The following IBTK variants were observed in gnomAD, a reference collection of about 807,000 sequenced individuals.
IBTK encodes BTK-binding protein.
A neutral mutation model predicts 154.9 loss-of-function variants in IBTK; 83 were observed. The observed-to-expected ratio is 0.54, with a 90% CI of 0.45 to 0.64. The LOEUF (loss-of-function observed/expected upper bound fraction) is 0.64, where lower values mean the gene tolerates loss of function less well. Among genes scored for constraint, IBTK ranks in the 30% least tolerant of loss-of-function variants. IBTK has a pLI of 0.00. For synonymous variants in IBTK, 515 were observed against 536.1 expected (o/e 0.96, Z 0.54); for missense variants, 1,332 against 1,584.6 (o/e 0.84, Z 2.71).
Position 82,191,166 on chromosome 6 carries a change from A to G in IBTK, c.3482T>C (p.Ile1161Thr). 6.2e-7 allele frequency: 1 copy of G among 1,609,804 alleles called. No homozygotes were observed. Among genetic ancestry groups the G allele is most frequent in the Non-Finnish European group, 8.5e-7 (1 of 1,178,210 alleles). Residue 1161 changes from isoleucine to threonine, a missense_variant, in exon 25 of 29, where the codon ATT becomes ACT. This residue lies in a region of IBTK where 1,134 missense variants were observed against 1,274.7 expected (regional missense o/e 0.89). Transcript: ENST00000306270. The stretch of plus-strand genomic sequence containing the variant: ...ATTGTTTTCCTTGGTAGTCAATGCA[A>G]TCATTTTTCGTTGCTTCTGAGAAAG... ...VKLSQKQRKMIALTTKENNSG... is the reference protein window; with the variant it reads ...VKLSQKQRKMTALTTKENNSG...
rs907729491 is a variant in IBTK, at chr6:82,186,490, GCA to G, written c.3576-4464_3576-4463del. On this transcript the variant is annotated intron_variant, in intron 25 of 28. Transcript: ENST00000306270. Reference sequence around the variant, plus strand: ...TTTTTTTTGTAGATATTATGCTATTGCACACTTAGCAAACTACGTATAGTATA... The same window carrying G: ...TTTTTTTTGTAGATATTATGCTATTGCACTTAGCAAACTACGTATAGTATA... 1.3e-4 allele frequency among the ~76,000 whole-genome samples: 20 copies of G among 151,994 alleles called. 2 individuals carry two copies. The highest frequency in any genetic ancestry group is 1.0e-3 in the Admixed American group (16 of 15,256).
chr6:82,194,144 T>C (rs1768892235), intron 23 of IBTK, among the ~76,000 whole-genome samples: 1 of 152,200 alleles, frequency 6.6e-6, no homozygotes, highest in South Asian at 2.1e-4. Context: ...ATAAAGTCTA[T>C]GATTGACAAA....
intron 25 of IBTK, among the ~76,000 whole-genome samples, chr6:82,190,675 T>A (rs1452397290): frequency 6.6e-6 from 1 of 152,090 alleles, no homozygotes; most frequent in Non-Finnish European, 1.5e-5. Flanking sequence ...GAAATTAGCG[T>A]AGTATAAATA....
At position 82,210,797 on chromosome 6, in the gene IBTK, C is replaced by T. The variant is rs1019694216; in HGVS notation, c.2509+17G>A. The T allele has an allele frequency of 2.5e-6, 3 of 1,195,154 alleles. No individual in the cohort carries two copies. Among genetic ancestry groups the T allele is most frequent in the African/African-American group, 3.1e-5 (2 of 63,554 alleles). The allele number at this position is 1,195,154 out of a possible 1,614,324, so 74.0% of individuals were successfully genotyped here. ...TTATATGTGAAGTATCTACAATGTC[C>T]TAACTCTTATTAATACCTTTTATCA... On this transcript the variant is annotated intron_variant, in intron 16 of 28. Coordinates refer to ENST00000306270, the MANE Select transcript of IBTK (RefSeq NM_015525.4).
chr6:82,189,821 T>C (rs1030432010), intron 25 of IBTK, among the ~76,000 whole-genome samples: 5 of 152,206 alleles, frequency 3.3e-5, no homozygotes, highest in African/African-American at 9.7e-5. Flanking sequence ...GCTTAGTTAA[T>C]TCTCTCAAAC....
rs980745471 is a variant in IBTK, at chr6:82,197,155, A to G, written c.3026-709T>C. 2.9e-4 allele frequency among the ~76,000 whole-genome samples: 44 copies of G among 152,202 alleles called. 1 individual carries two copies. Among genetic ancestry groups the G allele is most frequent in the African/African-American group, 1.0e-3 (43 of 41,446 alleles). Reference sequence around the variant, plus strand: ...CATTTCCACACATTTCAAATTTATTAGAATCTAAATGAAGTACCAAAATAA... The same window carrying G: ...CATTTCCACACATTTCAAATTTATTGGAATCTAAATGAAGTACCAAAATAA... On this transcript the variant is annotated intron_variant, in intron 21 of 28. Transcript: ENST00000306270.
chr6:82,202,691 A>G (rs1391261155), intron 17 of IBTK, 46 bp from the exon 18 acceptor site: 3 of 946,068 alleles, frequency 3.2e-6, no homozygotes, highest in Non-Finnish European at 1.6e-6. Context: ...AAGGCACATT[A>G]CCACAGCAAA....
At chr6:82,183,165 T>C (rs1454699929) in intron 25 of IBTK, among the ~76,000 whole-genome samples, 1 of 152,170 alleles carries the variant, frequency 6.6e-6, no homozygotes, top group Non-Finnish European at 1.5e-5. Context: ...ATCCCAACAC[T>C]TTGGAAGGCC....
chr6:82,239,904 G>A (rs190293716), intron 2 of IBTK, among the ~76,000 whole-genome samples: 28 of 152,236 alleles, frequency 1.8e-4, no homozygotes, highest in African/African-American at 5.1e-4. Context: ...AAAATATTAT[G>A]AGATGTACAA....
chr6:82,214,973 A>G, intron 11 of IBTK, 144 bp from the exon 12 acceptor site: 1 of 777,832 alleles, frequency 1.3e-6, no homozygotes, highest in Non-Finnish European at 2.0e-6. Context: ...ATACAAGAAT[A>G]TTGCACAAAG....
Position 82,196,737 on chromosome 6 carries a change from T to A in IBTK, c.3026-291A>T, listed in dbSNP as rs1769002822. Among the ~76,000 whole-genome samples the A allele has an allele frequency of 5.3e-5, 8 of 152,128 alleles. No homozygotes were observed. The South Asian group carries it at 1.7e-3, about 32-fold the overall frequency. ...GTTCTTTGGGATCTGCTCTAAAAAG[T>A]GATTTAAAATATTTTTGTCCGCATA... On this transcript the variant is annotated intron_variant, in intron 21 of 28. Transcript: ENST00000306270.
At chr6:82,211,932 C>T (rs1401780309) in intron 13 of IBTK, among the ~76,000 whole-genome samples, 4 of 152,158 alleles carry the variant, frequency 2.6e-5, no homozygotes. Context: ...GTTGAAACAA[C>T]TCCACAGTTT....
intron 25 of IBTK, among the ~76,000 whole-genome samples, chr6:82,190,058 A>G (rs1414201997): frequency 6.6e-6 from 1 of 152,158 alleles, no homozygotes; most frequent in African/African-American, 2.4e-5. Flanking sequence ...AATTCTGCTA[A>G]GCTCATCCTC....
intron 2 of IBTK, among the ~76,000 whole-genome samples, chr6:82,235,095 G>A (rs1385638412): frequency 1.3e-5 from 2 of 151,856 alleles, no homozygotes; most frequent in African/African-American, 2.4e-5. Context: ...TCCTGACCTC[G>A]TGATCAGCCC....
At chr6:82,243,016 C>A (rs991012699) in intron 1 of IBTK, among the ~76,000 whole-genome samples, 20 of 151,940 alleles carry the variant, frequency 1.3e-4, no homozygotes, top group African/African-American at 4.8e-4. Context: ...CCAAGGCAGG[C>A]GAATCACGAG....
intron 16 of IBTK, among the ~76,000 whole-genome samples, chr6:82,206,086 G>T (rs1197298747): frequency 1.3e-5 from 2 of 152,082 alleles, no homozygotes; most frequent in African/African-American, 4.8e-5. Context: ...AATAATCTAG[G>T]AAGTGTTTAC....
intron 10 of IBTK, 104 bp from the exon 11 acceptor site, chr6:82,216,354 C>A: frequency 2.8e-6 from 2 of 722,824 alleles, no homozygotes; most frequent in Non-Finnish European, 4.5e-6. Flanking sequence ...ATATGGAAAT[C>A]TTTTTCACAT....
intron 23 of IBTK, 152 bp from the exon 24 acceptor site, chr6:82,192,031 T>A: frequency 1.8e-6 from 1 of 553,630 alleles, no homozygotes; most frequent in Non-Finnish European, 3.2e-6. Flanking sequence ...AAGGATATTT[T>A]GAATAAAAGC....
intron 1 of IBTK, among the ~76,000 whole-genome samples, 192 bp from the exon 2 acceptor site, chr6:82,241,035 T>C (rs1326462116): frequency 1.3e-5 from 2 of 152,156 alleles, no homozygotes; most frequent in African/African-American, 4.8e-5. Flanking sequence ...AGATCTGATT[T>C]TTCACAAAAA....
Sources: gnomAD v4.1 joint callset for allele counts (sites outside exome capture counted in the v4.1 genomes callset) on GRCh38, gnomAD v4.1.1 for gene constraint, gnomAD v4.1.1 regional missense constraint, MANE v1.5 for transcripts, NCBI Gene and HGNC (gene_info 2026-07-23, HGNC 2026-07-21) for gene names.